The following KLF12 variants were observed in gnomAD, a reference collection of about 807,000 sequenced individuals.
KLF12 encodes Krueppel-like factor 12.
In KLF12, 9 loss-of-function variants were observed where a neutral mutation model predicts 37.8. The observed-to-expected ratio is 0.24, with a 90% CI of 0.14 to 0.42. KLF12 has a LOEUF of 0.42. Ranked by LOEUF, KLF12 falls within the 10% of genes least tolerant of loss-of-function variation. The pLI, the probability that KLF12 is intolerant of heterozygous loss-of-function variation, is 1.00. For missense variants in KLF12, 411 were observed against 516.0 expected, an observed-to-expected ratio of 0.80 and a Z score of 1.97; for synonymous variants, 208 against 202.1, an observed-to-expected ratio of 1.03 and a Z score of -0.25.
chr13:74,102,875 C>T (rs1876440290), intron 1 of KLF12, among the ~76,000 whole-genome samples: 1 of 152,132 alleles, frequency 6.6e-6, no homozygotes, highest in African/African-American at 2.4e-5. Flanking sequence ...ATGAGTTCAC[C>T]ACCATAAGAG....
intron 7 of KLF12, among the ~76,000 whole-genome samples, chr13:73,701,693 A>G (rs569197415): frequency 6.6e-6 from 1 of 152,326 alleles, no homozygotes; most frequent in African/African-American, 2.4e-5. Flanking sequence ...GAAAAATCAA[A>G]GGACACTAGT....
At chr13:74,175,827 A>G in the KLF12 span, among the ~76,000 whole-genome samples, 2 of 152,184 alleles carry the variant, frequency 1.3e-5, no homozygotes, top group African/African-American at 2.4e-5. Context: ...CACTTGTCCC[A>G]GTGGTTCCTT....
chr13:74,305,140 A>T, the KLF12 span, among the ~76,000 whole-genome samples: 2 of 152,016 alleles, frequency 1.3e-5, no homozygotes, highest in Admixed American at 1.3e-4. Flanking sequence ...TATCTGGATA[A>T]TTGTTTTCTG....
At chr13:74,196,316 C>T in the KLF12 span, among the ~76,000 whole-genome samples, 3 of 152,260 alleles carry the variant, frequency 2.0e-5, no homozygotes, top group East Asian at 5.8e-4. Context: ...CAATGGGGAG[C>T]ACCAGCAGGA....
At chr13:74,005,972 TCAC>T (rs960548315) in intron 1 of KLF12, among the ~76,000 whole-genome samples, 2 of 152,186 alleles carry the variant, frequency 1.3e-5, no homozygotes, top group Non-Finnish European at 2.9e-5. Context: ...TCCCTTCCTG[TCAC>T]CACATCTGGG....
At chr13:73,871,495 G>A (rs1886463051) in intron 3 of KLF12, among the ~76,000 whole-genome samples, 2 of 152,178 alleles carry the variant, frequency 1.3e-5, no homozygotes, top group Admixed American at 6.5e-5. Flanking sequence ...GGGAGAAAAT[G>A]CAGGATAAGT....
At position 73,752,726 on chromosome 13, in the gene KLF12, A is replaced by ATT. The variant is rs139830073; in HGVS notation, c.869+12211_869+12212insAA. Among the ~76,000 whole-genome samples the ATT allele has an allele frequency of 5.7e-3, 621 of 108,104 alleles. 22 individuals carry two copies. The highest frequency in any genetic ancestry group is 0.022 in the East Asian group (100 of 4,574). The allele number at this position is 108,104 out of a possible 152,430, so 70.9% of individuals were successfully genotyped here. ...CTCATTCCCCTGCTCCCTTCCACATATATATTTTTTTTTTTTTGACACAGA... is the reference window on the plus strand; with the variant it reads ...CTCATTCCCCTGCTCCCTTCCACATATTTATATTTTTTTTTTTTTGACACAGA... On this transcript the variant is annotated intron_variant, in intron 6 of 7. Coordinates refer to ENST00000377669, the MANE Select transcript of KLF12 (RefSeq NM_007249.5).
At chr13:73,851,626 T>A (rs1278080653) in intron 3 of KLF12, among the ~76,000 whole-genome samples, 1 of 152,182 alleles carries the variant, frequency 6.6e-6, no homozygotes, top group Non-Finnish European at 1.5e-5. Flanking sequence ...CTTTGGGATG[T>A]TGGTCATTCT....
Position 73,715,232 on chromosome 13 carries a change from T to C in KLF12, c.1027+136A>G, listed in dbSNP as rs1875708809. The C allele has an allele frequency of 6.5e-6, 4 of 618,074 alleles. No individual in the cohort carries two copies. In the Admixed American group the frequency reaches 1.4e-4, roughly 21 times the overall value. 38.3% of individuals were successfully genotyped at this position (618,074 alleles called of 1,614,324 possible). On this transcript the variant is annotated intron_variant, in intron 7 of 7. Coordinates refer to ENST00000377669, the MANE Select transcript of KLF12 (RefSeq NM_007249.5). ...TCTCTCTTTCTCAAGAGAGAGAGAA[T>C]ACATTCCGCCTAGAAGGAGGGAACT... is the stretch of plus-strand genomic sequence containing the variant.
chr13:74,101,818 T>G (rs1291931675), intron 1 of KLF12, among the ~76,000 whole-genome samples: 1 of 152,126 alleles, frequency 6.6e-6, no homozygotes, highest in Non-Finnish European at 1.5e-5. Context: ...AAGGGAGAAC[T>G]CTTCCATAAA....
intron 2 of KLF12, among the ~76,000 whole-genome samples, chr13:73,946,584 T>A (rs1391132849): frequency 1.3e-5 from 2 of 152,188 alleles, no homozygotes; most frequent in Non-Finnish European, 2.9e-5. Flanking sequence ...CACGTACAAG[T>A]GAAAAAAATA....
At chr13:74,284,158 A>C in the KLF12 span, among the ~76,000 whole-genome samples, 2 of 152,024 alleles carry the variant, frequency 1.3e-5, no homozygotes, top group South Asian at 4.1e-4. Flanking sequence ...TGCCCGGCCT[A>C]GTGTGTATAA....
At chr13:73,879,581 A>T (rs1886881570) in intron 3 of KLF12, among the ~76,000 whole-genome samples, 1 of 152,264 alleles carries the variant, frequency 6.6e-6, no homozygotes, top group Admixed American at 6.5e-5. Flanking sequence ...TGTCCTGAAG[A>T]CAAGGGGAGG....
At chr13:73,896,392 G>A (rs1426565252) in intron 3 of KLF12, among the ~76,000 whole-genome samples, 1 of 152,134 alleles carries the variant, frequency 6.6e-6, no homozygotes, top group African/African-American at 2.4e-5. Context: ...CAATGGAAAT[G>A]TAGGGGACTT....
At position 73,740,344 on chromosome 13, in the gene KLF12, T is replaced by C. The variant is rs532114636; in HGVS notation, c.869+24594A>G. On this transcript the variant is annotated intron_variant, in intron 6 of 7. Transcript: ENST00000377669. ...CTTTAGGTACCCTGATCTTGGACTT[T>C]GCAGCCTCCAGAACCACGACAAATA... is the stretch of plus-strand genomic sequence containing the variant. 3.0e-4 allele frequency among the ~76,000 whole-genome samples: 46 copies of C among 152,314 alleles called. 1 individual carries two copies. The South Asian group carries it at 9.3e-3, about 31-fold the overall frequency.
intron 1 of KLF12, among the ~76,000 whole-genome samples, chr13:74,067,165 T>C (rs1020564558): frequency 1.3e-5 from 2 of 152,098 alleles, no homozygotes; most frequent in Admixed American, 6.6e-5. Context: ...TGCAAAGTAT[T>C]CCAAAGAAAA....
intron 1 of KLF12, among the ~76,000 whole-genome samples, chr13:74,030,968 T>C (rs913573666): frequency 7.2e-5 from 11 of 152,120 alleles, no homozygotes; most frequent in Admixed American, 7.2e-4. Context: ...TATTAAAGTC[T>C]ACTTCCTACT....
intron 1 of KLF12, among the ~76,000 whole-genome samples, chr13:74,039,826 C>T (rs1249869297): frequency 6.6e-6 from 1 of 152,236 alleles, no homozygotes; most frequent in Non-Finnish European, 1.5e-5. Context: ...GTAATGCTGA[C>T]TCCACTAAAC....
At chr13:74,171,304 G>A in the KLF12 span, among the ~76,000 whole-genome samples, 1 of 152,122 alleles carries the variant, frequency 6.6e-6, no homozygotes. Context: ...CTTCTTGAGG[G>A]TCCTTAAGCT....
Sources: gnomAD v4.1 joint callset for allele counts (sites outside exome capture counted in the v4.1 genomes callset) on GRCh38, gnomAD v4.1.1 for gene constraint, MANE v1.5 for transcripts, NCBI Gene and HGNC (gene_info 2026-07-23, HGNC 2026-07-21) for gene names.